IGF2BP3: variants seen among roughly 807,000 people sequenced by gnomAD.
The protein encoded by IGF2BP3 is insulin-like growth factor 2 mRNA-binding protein 3.
In IGF2BP3, 9 loss-of-function variants were observed where a neutral mutation model predicts 73.8. The observed-to-expected ratio is 0.12, with a 90% confidence interval of 0.07 to 0.21. IGF2BP3 has a LOEUF of 0.21. Ranked by LOEUF, IGF2BP3 falls within the 10% of genes least tolerant of loss-of-function variation. IGF2BP3 has a pLI of 1.00. For synonymous variants in IGF2BP3, 258 were observed against 256.7 expected, an observed-to-expected ratio of 1.01 and a Z score of -0.05; for missense variants, 542 against 714.0, an observed-to-expected ratio of 0.76 and a Z score of 2.75.
intron 2 of IGF2BP3, among the ~76,000 whole-genome samples, chr7:23,440,445 C>G (rs1787905379): frequency 6.6e-6 from 1 of 152,086 alleles, no homozygotes; most frequent in Non-Finnish European, 1.5e-5. Flanking sequence ...CAAAACAAAG[C>G]TTTATAATTT....
chr7:23,337,237 C>T (rs1318854859), intron 10 of IGF2BP3, among the ~76,000 whole-genome samples: 4 of 152,126 alleles, frequency 2.6e-5, no homozygotes, highest in Non-Finnish European at 5.9e-5. Flanking sequence ...AACATTAAGC[C>T]AGAAAATTGC....
chr7:23,371,693 G>A (rs374504269), intron 3 of IGF2BP3, among the ~76,000 whole-genome samples: 2 of 152,074 alleles, frequency 1.3e-5, no homozygotes, highest in African/African-American at 2.4e-5. Flanking sequence ...CTTTATCATC[G>A]AAAAGCCCCA....
intron 3 of IGF2BP3, among the ~76,000 whole-genome samples, chr7:23,410,924 C>G (rs1451183699): frequency 6.6e-6 from 1 of 152,194 alleles, no homozygotes; most frequent in Non-Finnish European, 1.5e-5. Flanking sequence ...ACTGCCTTAT[C>G]TGTAAAGTGG....
chr7:23,329,042 T>A (rs905760983), intron 10 of IGF2BP3, among the ~76,000 whole-genome samples: 2 of 151,978 alleles, frequency 1.3e-5, no homozygotes, highest in Non-Finnish European at 2.9e-5. Flanking sequence ...ACCCCGTCTC[T>A]GCTAAAAAAG....
At chr7:23,351,275 G>A (rs1562692465) in intron 6 of IGF2BP3, 30 bp downstream of exon 6, 1 of 1,609,358 alleles carries the variant, frequency 6.2e-7, no homozygotes, top group African/African-American at 1.3e-5. Context: ...GAATTCTCAT[G>A]AACACCCACC....
intron 2 of IGF2BP3, among the ~76,000 whole-genome samples, chr7:23,432,675 T>A (rs1266841307): frequency 6.6e-6 from 1 of 151,964 alleles, no homozygotes; most frequent in Non-Finnish European, 1.5e-5. Flanking sequence ...GGTCTTGCTC[T>A]GTTGCTCAGA....
intron 6 of IGF2BP3, among the ~76,000 whole-genome samples, chr7:23,350,863 C>A (rs959013736): frequency 2.0e-5 from 3 of 152,134 alleles, no homozygotes; most frequent in Non-Finnish European, 4.4e-5. Flanking sequence ...AAAATTCGGA[C>A]AAATAAGATG....
chr7:23,379,940 T>G (rs1785854091), intron 3 of IGF2BP3, among the ~76,000 whole-genome samples: 1 of 152,094 alleles, frequency 6.6e-6, no homozygotes, highest in South Asian at 2.1e-4. Flanking sequence ...CAGGTGCACT[T>G]GAGAGGTCAA....
chr7:23,460,330 C>G (rs549901184), intron 2 of IGF2BP3, among the ~76,000 whole-genome samples: 6 of 151,982 alleles, frequency 3.9e-5, no homozygotes, highest in African/African-American at 1.4e-4. Context: ...GAGTTCAAGA[C>G]CAACCTGGCT....
At chr7:23,428,464 T>C (rs1787578995) in intron 2 of IGF2BP3, among the ~76,000 whole-genome samples, 1 of 151,056 alleles carries the variant, frequency 6.6e-6, no homozygotes, top group Admixed American at 6.6e-5. Flanking sequence ...AGAGAGAGAC[T>C]CCGTCTCAAA....
chr7:23,378,569 G>GTTTTTTTTTTTTTTTT, intron 3 of IGF2BP3, among the ~76,000 whole-genome samples: 1 of 65,884 alleles, frequency 1.5e-5, no homozygotes, highest in Non-Finnish European at 2.6e-5. Flanking sequence ...ATTTTTGCTT[G>GTTTTTTTTTTTTTTTT]TTTTTTTTTT....
intron 3 of IGF2BP3, among the ~76,000 whole-genome samples, chr7:23,403,239 C>T (rs1786724072): frequency 6.6e-6 from 1 of 152,194 alleles, no homozygotes; most frequent in Admixed American, 6.5e-5. Context: ...CACAACTTTG[C>T]ATTGCCTGTA....
intron 11 of IGF2BP3, 93 bp from the exon 12 acceptor site, chr7:23,317,806 G>T: frequency 1.0e-6 from 1 of 999,230 alleles, no homozygotes; most frequent in South Asian, 1.3e-5. Flanking sequence ...GTGACTGGCT[G>T]AAATGCAGAA....
intron 3 of IGF2BP3, 94 bp from the exon 4 acceptor site, chr7:23,361,835 T>A: frequency 1.8e-6 from 2 of 1,137,164 alleles, no homozygotes; most frequent in Non-Finnish European, 2.5e-6. Flanking sequence ...GTAATTGTGA[T>A]GGAAAAGAGC....
At chr7:23,452,575 G>A (rs1156521211) in intron 2 of IGF2BP3, among the ~76,000 whole-genome samples, 4 of 152,022 alleles carry the variant, frequency 2.6e-5, no homozygotes, top group South Asian at 2.1e-4. Context: ...AGGCTGAGAC[G>A]GGTGAATCAC....
chr7:23,317,798 G>C, intron 11 of IGF2BP3, 85 bp from the exon 12 acceptor site: 2 of 1,063,624 alleles, frequency 1.9e-6, no homozygotes, highest in Non-Finnish European at 2.9e-6. Context: ...ATTTGCATGT[G>C]ACTGGCTGAA....
chr7:23,398,506 T>G (rs1469842092), intron 3 of IGF2BP3, among the ~76,000 whole-genome samples: 1 of 152,238 alleles, frequency 6.6e-6, no homozygotes, highest in Non-Finnish European at 1.5e-5. Flanking sequence ...CCACAATGGT[T>G]GAACTAGTTT....
chr7:23,322,722 C>T (rs1784191498), intron 10 of IGF2BP3, among the ~76,000 whole-genome samples: 1 of 152,200 alleles, frequency 6.6e-6, no homozygotes, highest in Admixed American at 6.5e-5. Context: ...CAGCAGATCT[C>T]TCAGCAGAAA....
chr7:23,312,696 G>C (rs766218256), intron 14 of IGF2BP3, 39 bp downstream of exon 14: 1 of 1,390,680 alleles, frequency 7.2e-7, no homozygotes, highest in South Asian at 1.2e-5. Flanking sequence ...TTGCTTCCAC[G>C]TGAGAAAGAT....
Sources: gnomAD v4.1 joint callset for allele counts (sites outside exome capture counted in the v4.1 genomes callset) on GRCh38, gnomAD v4.1.1 for gene constraint, MANE v1.5 for transcripts, NCBI Gene and HGNC (gene_info 2026-07-23, HGNC 2026-07-21) for gene names.